Variants in MPPED1 observed in about 807,000 individuals in gnomAD.
MPPED1 encodes the protein metallophosphoesterase domain containing 1.
Under a neutral mutation model 36.2 loss-of-function variants are expected in MPPED1, and 16 were observed. That is an observed-to-expected ratio of 0.44 (90% CI 0.30 to 0.67). The LOEUF is 0.67. MPPED1 is among the 30% of genes least tolerant of loss of function. The pLI is 0.10. For missense variants in MPPED1, 307 were observed against 453.4 expected, an observed-to-expected ratio of 0.68 and a Z score of 2.93; for synonymous variants, 199 against 191.3, an observed-to-expected ratio of 1.04 and a Z score of -0.33.
intron 5 of MPPED1, among the ~76,000 whole-genome samples, chr22:43,498,795 G>A (rs1932513677): frequency 1.3e-5 from 2 of 149,620 alleles, no homozygotes; most frequent in South Asian, 4.3e-4. Flanking sequence ...TCTCCTCTCT[G>A]CCCCCACCCC....
chr22:43,438,032 T>C (rs1930023687), intron 3 of MPPED1, among the ~76,000 whole-genome samples: 1 of 152,176 alleles, frequency 6.6e-6, no homozygotes, highest in Admixed American at 6.5e-5. Flanking sequence ...CGTCATCCTA[T>C]TGCTGAGCCT....
chr22:43,484,511 A>T (rs1377011133), intron 4 of MPPED1, among the ~76,000 whole-genome samples: 2 of 152,172 alleles, frequency 1.3e-5, no homozygotes, highest in Non-Finnish European at 2.9e-5. Context: ...GGGCTTCTGG[A>T]TCCCTGTCCC....
chr22:43,440,419 G>A (rs897529122), intron 3 of MPPED1, among the ~76,000 whole-genome samples: 1 of 152,114 alleles, frequency 6.6e-6, no homozygotes, highest in Non-Finnish European at 1.5e-5. Context: ...AGGGTGCTGA[G>A]GGCAGGAGGG....
At chr22:43,428,056 T>A (rs1185894795) in intron 2 of MPPED1, among the ~76,000 whole-genome samples, 1 of 152,138 alleles carries the variant, frequency 6.6e-6, no homozygotes. Flanking sequence ...GGTGAGGTGC[T>A]TGGGACCCAG....
intron 3 of MPPED1, among the ~76,000 whole-genome samples, chr22:43,451,734 G>T (rs1487338787): frequency 6.6e-6 from 1 of 152,242 alleles, no homozygotes; most frequent in African/African-American, 2.4e-5. Context: ...ACTCTGCAGA[G>T]GTTTCCCTCC....
chr22:43,417,628 A>G lies in MPPED1; in HGVS notation c.-79+5470A>G, dbSNP rs148800208. On this transcript the variant is annotated intron_variant, in intron 1 of 6. Transcript: ENST00000443721. ...CCCCACACCTTGGTACTTTTCTGTT[A>G]AATATTATCTCCTGCATTTTGCTTG... The G allele has an allele frequency of 4.3e-3, 668 of 156,940 alleles. 5 individuals carry two copies. Among genetic ancestry groups the G allele is most frequent in the African/African-American group, 0.015 (630 of 41,576 alleles). The allele number at this position is 156,940 out of a possible 1,614,324, so 9.7% of individuals were successfully genotyped here.
chr22:43,422,191 G>A (rs1275968308), intron 1 of MPPED1, among the ~76,000 whole-genome samples: 1 of 152,240 alleles, frequency 6.6e-6, no homozygotes, highest in African/African-American at 2.4e-5. Flanking sequence ...CGGAAGCCAG[G>A]CAGCTAGGTC....
At chr22:43,436,425 C>T (rs1156291639) in intron 3 of MPPED1, among the ~76,000 whole-genome samples, 2 of 152,232 alleles carry the variant, frequency 1.3e-5, no homozygotes, top group African/African-American at 2.4e-5. Context: ...GCCAGGGGCC[C>T]GACTCTGCCA....
intron 4 of MPPED1, among the ~76,000 whole-genome samples, chr22:43,491,331 G>A (rs1932075283): frequency 6.6e-6 from 1 of 152,042 alleles, no homozygotes; most frequent in African/African-American, 2.4e-5. Flanking sequence ...GATGGTAATG[G>A]TGATGGTGGT....
chr22:43,424,810 C>G (rs1241286790), intron 1 of MPPED1, 98 bp from the exon 2 acceptor site: 1 of 1,378,160 alleles, frequency 7.3e-7, no homozygotes, highest in Non-Finnish European at 9.5e-7. Context: ...TTTTTCCTCT[C>G]CCCCCGCCCT....
At chr22:43,462,637 T>C (rs1930994822) in intron 3 of MPPED1, among the ~76,000 whole-genome samples, 1 of 152,238 alleles carries the variant, frequency 6.6e-6, no homozygotes, top group Admixed American at 6.5e-5. Context: ...GTGTCCATCA[T>C]AGTTCATCCT....
At chr22:43,495,971 A>G (rs867960118) in intron 4 of MPPED1, among the ~76,000 whole-genome samples, 1,539 of 15,474 alleles carry the variant, frequency 0.099, no homozygotes, top group Middle Eastern at 0.23. Context: ...GGTGGTGGAG[A>G]TGGTGGTGGT....
intron 3 of MPPED1, among the ~76,000 whole-genome samples, chr22:43,448,866 T>C (rs911965240): frequency 7.9e-5 from 12 of 152,188 alleles, no homozygotes; most frequent in African/African-American, 2.9e-4. Context: ...CCCGAAGTGC[T>C]GGGATTACAG....
At chr22:43,427,528 G>A (rs753242431) in intron 2 of MPPED1, among the ~76,000 whole-genome samples, 8 of 152,156 alleles carry the variant, frequency 5.3e-5, no homozygotes, top group Admixed American at 2.6e-4. Context: ...CCTGCAGGCC[G>A]GGCTGCGTCC....
chr22:43,454,151 G>A (rs1040105397), intron 3 of MPPED1, among the ~76,000 whole-genome samples: 9 of 151,856 alleles, frequency 5.9e-5, no homozygotes, highest in Non-Finnish European at 1.2e-4. Flanking sequence ...TGGGATTACC[G>A]GCACCCACCA....
intron 4 of MPPED1, among the ~76,000 whole-genome samples, chr22:43,488,546 G>A (rs1312505548): frequency 1.3e-5 from 2 of 152,192 alleles, no homozygotes; most frequent in Non-Finnish European, 2.9e-5. Flanking sequence ...GACGGGACTC[G>A]AAGGTTACCA....
intron 3 of MPPED1, among the ~76,000 whole-genome samples, chr22:43,469,131 C>T (rs1931275368): frequency 1.3e-5 from 2 of 152,262 alleles, no homozygotes; most frequent in South Asian, 4.1e-4. Flanking sequence ...CAGCTACTTT[C>T]CCGGGGTTCA....
intron 3 of MPPED1, among the ~76,000 whole-genome samples, chr22:43,446,697 C>G (rs1175585139): frequency 6.6e-6 from 1 of 152,170 alleles, no homozygotes; most frequent in Non-Finnish European, 1.5e-5. Context: ...TTGGGCAGTG[C>G]TTGGACACAT....
Position 43,424,977 on chromosome 22 carries a change from C to A in MPPED1, c.-9C>A. On this transcript the variant is annotated 5_prime_UTR_variant, in exon 2 of 7. Transcript: ENST00000443721. ...CGGTGGGAGATGCCGGGGCGGCCGG[C>A]GGAGGTCCATGTGGCGCTCTAGGTG... is the stretch of plus-strand genomic sequence containing the variant. 1.3e-6 allele frequency: 2 copies of A among 1,576,690 alleles called. No homozygotes were observed. Among genetic ancestry groups the A allele is most frequent in the Non-Finnish European group, 1.7e-6 (2 of 1,162,924 alleles).
Sources: gnomAD v4.1 joint callset for allele counts (sites outside exome capture counted in the v4.1 genomes callset) on GRCh38, gnomAD v4.1.1 for gene constraint, MANE v1.5 for transcripts, NCBI Gene and HGNC (gene_info 2026-07-23, HGNC 2026-07-21) for gene names.